Variants in ESYT2 observed in about 807,000 individuals in gnomAD.
The protein encoded by ESYT2 is extended synaptotagmin 2, also known as extended synaptotagmin-2.
ESYT2 carries 54 observed loss-of-function variants against 107.2 expected under a neutral mutation model. The observed-to-expected ratio is 0.50, with a 90% CI of 0.40 to 0.63. The LOEUF is 0.63. ESYT2 is among the 30% of genes least tolerant of loss of function. ESYT2 has a pLI of 0.00. For missense variants in ESYT2, 1,020 were observed against 1,094.5 expected (o/e 0.93, Z 0.96); for synonymous variants, 491 against 434.1 (o/e 1.13, Z -1.63).
chr7:158,778,104 GA>G (rs1838636440), intron 6 of ESYT2, among the ~76,000 whole-genome samples: 2 of 151,984 alleles, frequency 1.3e-5, no homozygotes, highest in African/African-American at 2.4e-5. Flanking sequence ...GTTACTTTAA[GA>G]AAAAAACCAC....
At chr7:158,822,499 C>T (rs984295280) in intron 1 of ESYT2, among the ~76,000 whole-genome samples, 2 of 152,162 alleles carry the variant, frequency 1.3e-5, no homozygotes, top group African/African-American at 4.8e-5. Context: ...TGGTGGCTCA[C>T]ACCTGTAATC....
chr7:158,737,917 A>C (rs1837025631), intron 19 of ESYT2, among the ~76,000 whole-genome samples: 2 of 152,256 alleles, frequency 1.3e-5, no homozygotes, highest in African/African-American at 2.4e-5. Flanking sequence ...AATGCAATTA[A>C]TGCAACAGTC....
intron 19 of ESYT2, among the ~76,000 whole-genome samples, chr7:158,737,493 A>G (rs1237346448): frequency 1.3e-5 from 2 of 151,926 alleles, no homozygotes; most frequent in South Asian, 2.1e-4. Flanking sequence ...TGCTTCTGCC[A>G]TTTTCTCTCT....
chr7:158,829,068 C>T, intron 1 of ESYT2, 21 bp downstream of exon 1: 2 of 1,566,660 alleles, frequency 1.3e-6, no homozygotes, highest in Non-Finnish European at 1.7e-6. Context: ...GGGGTCGGGA[C>T]GGGCAGGGGT....
At chr7:158,745,773 G>C (rs1263466848) in intron 16 of ESYT2, among the ~76,000 whole-genome samples, 4 of 151,804 alleles carry the variant, frequency 2.6e-5, no homozygotes, top group Admixed American at 2.0e-4. Flanking sequence ...AAACTGAAAG[G>C]GAAATTAAGG....
At chr7:158,824,135 T>A (rs1026620537) in intron 1 of ESYT2, among the ~76,000 whole-genome samples, 2 of 152,202 alleles carry the variant, frequency 1.3e-5, no homozygotes, top group Non-Finnish European at 2.9e-5. Flanking sequence ...TGAAGGAGGT[T>A]CTCAGACCAC....
intron 18 of ESYT2, 28 bp from the exon 19 acceptor site, chr7:158,739,149 G>A (rs779004651): frequency 5.6e-6 from 9 of 1,598,286 alleles, no homozygotes; most frequent in Non-Finnish European, 7.7e-6. Flanking sequence ...AAAGTCACCA[G>A]CTTGCCTGAG....
chr7:158,760,908 G>A (rs1363596234), intron 11 of ESYT2, among the ~76,000 whole-genome samples: 1 of 152,184 alleles, frequency 6.6e-6, no homozygotes, highest in African/African-American at 2.4e-5. Context: ...GGAAGGAAAC[G>A]TGTGATTACG....
At chr7:158,739,482 GA>G (rs1837110162) in intron 18 of ESYT2, among the ~76,000 whole-genome samples, 3 of 152,152 alleles carry the variant, frequency 2.0e-5, no homozygotes, top group African/African-American at 7.2e-5. Flanking sequence ...GAGTAGCTGG[GA>G]TTACAGGCGC....
rs1268367467 is a variant in ESYT2, at chr7:158,743,635, A to C, written c.1688T>G (p.Val563Gly). 1 of 1,613,228 alleles carries C rather than the reference A, an allele frequency of 6.2e-7. No individual in the cohort carries two copies. Among genetic ancestry groups the C allele is most frequent in the Non-Finnish European group, 8.5e-7 (1 of 1,179,806 alleles). Reference sequence around the variant, plus strand: ...ACTGGTGAGCAGCTGGCTGAGGGGGACCTTCAGGTTCCCCAGGGAACACTG... The same window carrying C: ...ACTGGTGAGCAGCTGGCTGAGGGGGCCCTTCAGGTTCCCCAGGGAACACTG... ...QHQCSLGNLK[V>G]PLSQLLTSED... is the part of the protein sequence containing the mutation. The change falls in exon 17 of 23, where the codon GTC becomes GGC. Residue 563 changes from valine to glycine, a missense_variant. Physicochemically the swap from Val to Gly is moderately radical, Grantham distance 109. Coordinates refer to ENST00000275418, the MANE Select transcript of ESYT2 (RefSeq NM_001367773.1).
intron 1 of ESYT2, among the ~76,000 whole-genome samples, chr7:158,827,370 T>G (rs562271862): frequency 1.6e-3 from 238 of 152,264 alleles, no homozygotes; most frequent in South Asian, 2.3e-3. Flanking sequence ...TTTTTAGTAT[T>G]ATGCATCTTA....
At chr7:158,788,559 C>T (rs1839184453) in intron 4 of ESYT2, 142 bp from the exon 5 acceptor site, 1 of 688,584 alleles carries the variant, frequency 1.5e-6, no homozygotes, top group Admixed American at 3.4e-5. Context: ...AAAATGTGGC[C>T]CATCAAATTA....
At chr7:158,777,809 T>C (rs1032989824) in intron 6 of ESYT2, among the ~76,000 whole-genome samples, 5 of 152,110 alleles carry the variant, frequency 3.3e-5, no homozygotes, top group African/African-American at 1.2e-4. Context: ...AACGATTACA[T>C]TAGAAACAAC....
chr7:158,829,388 C>G lies in ESYT2; in HGVS notation c.31G>C (p.Ala11Pro). 2.4e-6 allele frequency: 3 copies of G among 1,227,964 alleles called. No homozygotes were observed. The highest frequency in any genetic ancestry group is 3.5e-5 in the South Asian group (1 of 28,340). The allele number at this position is 1,227,964 out of a possible 1,614,324, so 76.1% of individuals were successfully genotyped here. A position where few individuals can be genotyped will look rare whatever the true frequency, so the allele number is the denominator to read the frequency against. ...CGGCCCCCAGCCCCGCCGGCGCCCG[C>G]CTCCGGGCCCTCGCCCCGGGCGCCG... is the stretch of plus-strand genomic sequence containing the variant. MSGARGEGPE[A>P]GAGGAGGRAA... The change falls in exon 1 of 23, where the codon GCG becomes CCG. Residue 11 changes from alanine to proline, a missense_variant. Ala to Pro is a conservative substitution (Grantham distance 27). Transcript: ENST00000275418.
chr7:158,821,580 G>C (rs1444370617), intron 1 of ESYT2, among the ~76,000 whole-genome samples: 1 of 152,210 alleles, frequency 6.6e-6, no homozygotes, highest in Non-Finnish European at 1.5e-5. Flanking sequence ...CCTGCATCCT[G>C]TAAATCAGAA....
intron 1 of ESYT2, among the ~76,000 whole-genome samples, chr7:158,827,174 A>AAAAG (rs1554429174): frequency 3.3e-5 from 5 of 152,004 alleles, no homozygotes; most frequent in Admixed American, 1.3e-4. Flanking sequence ...AAAAAAAAAA[A>AAAAG]AAAAGAAAAG....
chr7:158,811,253 T>C (rs1839987086), intron 1 of ESYT2, among the ~76,000 whole-genome samples: 1 of 152,228 alleles, frequency 6.6e-6, no homozygotes, highest in Non-Finnish European at 1.5e-5. Flanking sequence ...CCATTTATTT[T>C]AATTAGATAC....
At chr7:158,767,463 T>G (rs574566970) in intron 8 of ESYT2, among the ~76,000 whole-genome samples, 191 bp downstream of exon 8, 1 of 152,298 alleles carries the variant, frequency 6.6e-6, no homozygotes, top group African/African-American at 2.4e-5. Flanking sequence ...CACGACAAGC[T>G]TTAGGATCAG....
rs978992448 is a variant in ESYT2 at position 158,782,844 on chromosome 7, G to A, written c.747+5160C>T. On this transcript the variant is annotated intron_variant, in intron 6 of 22. Coordinates refer to ENST00000275418, the MANE Select transcript of ESYT2 (RefSeq NM_001367773.1). ...TGTGAGAATGAGTGCGGACAAGTGT[G>A]AAAGAACAAGTGAGAGAGAACGAGT... Among the ~76,000 whole-genome samples the A allele has an allele frequency of 3.9e-5, 6 of 152,034 alleles. No individual in the cohort carries two copies. In the South Asian group the frequency reaches 1.2e-3, roughly 32 times the overall value.
Sources: gnomAD v4.1 joint callset for allele counts (sites outside exome capture counted in the v4.1 genomes callset) on GRCh38, gnomAD v4.1.1 for gene constraint, MANE v1.5 for transcripts, NCBI Gene and HGNC (gene_info 2026-07-23, HGNC 2026-07-21) for gene names.